WAPL: variants seen among roughly 807,000 people sequenced by gnomAD.
WAPL encodes the protein WAPL cohesin release factor.
A neutral mutation model predicts 121.0 loss-of-function variants in WAPL; 5 were observed. That is an observed-to-expected ratio of 0.04 (90% CI 0.02 to 0.09). WAPL has a LOEUF of 0.09. Among genes scored for constraint, WAPL ranks in the 10% least tolerant of loss-of-function variants. The pLI is 1.00. For synonymous variants in WAPL, 480 were observed against 481.5 expected (o/e 1.00, Z 0.04); for missense variants, 999 against 1,410.8 (o/e 0.71, Z 4.68).
intron 1 of WAPL, among the ~76,000 whole-genome samples, chr10:86,520,634 G>T (rs1335607836): frequency 1.3e-5 from 2 of 152,036 alleles, no homozygotes; most frequent in African/African-American, 2.4e-5. Flanking sequence ...ACACAATCTT[G>T]CTCAACCTTT....
At chr10:86,460,284 T>C (rs955702936) in intron 11 of WAPL, 115 bp downstream of exon 11, 1 of 774,114 alleles carries the variant, frequency 1.3e-6, no homozygotes, top group Non-Finnish European at 2.1e-6. Context: ...TATTTCTATC[T>C]GGATTAACAG....
At chr10:86,443,134 C>A in intron 17 of WAPL, 141 bp downstream of exon 17, 1 of 508,450 alleles carries the variant, frequency 2.0e-6, no homozygotes, top group Non-Finnish European at 3.3e-6. Flanking sequence ...ACCCTATAAT[C>A]AGCCAATAGC....
intron 2 of WAPL, among the ~76,000 whole-genome samples, chr10:86,515,052 G>A (rs1842528737): frequency 6.6e-6 from 1 of 152,126 alleles, no homozygotes; most frequent in Non-Finnish European, 1.5e-5. Flanking sequence ...ATGAGGTCAG[G>A]AGTTCTAGAC....
intron 2 of WAPL, among the ~76,000 whole-genome samples, chr10:86,511,174 C>T (rs1341514459): frequency 6.6e-6 from 1 of 152,178 alleles, no homozygotes; most frequent in East Asian, 1.9e-4. Context: ...GGTGGCATGC[C>T]TGTAATCCCA....
At chr10:86,462,851 CGT>C (rs1009794441) in intron 9 of WAPL, among the ~76,000 whole-genome samples, 4 of 151,774 alleles carry the variant, frequency 2.6e-5, no homozygotes, top group African/African-American at 9.7e-5. Context: ...TAGACTGGTT[CGT>C]GTGTGTTAAT....
chr10:86,485,060 C>T (rs1043025276), intron 4 of WAPL, among the ~76,000 whole-genome samples: 3 of 143,820 alleles, frequency 2.1e-5, no homozygotes, highest in South Asian at 2.3e-4. Flanking sequence ...TCCCCCGTCC[C>T]TCCCATCTCC....
At chr10:86,519,427 CTTGA>C (rs932006545) in intron 1 of WAPL, among the ~76,000 whole-genome samples, 8 of 152,230 alleles carry the variant, frequency 5.3e-5, no homozygotes, top group African/African-American at 1.7e-4. Flanking sequence ...CTTGTTTTCC[CTTGA>C]TTAACTTAAA....
rs1338375964 is a variant in WAPL at position 86,447,949 on chromosome 10, GAGGC to G, written c.3115-1504_3115-1501del. On this transcript the variant is annotated intron_variant, in intron 15 of 18. Transcript: ENST00000298767. ...TGTAATCCCAGCTACTTGGGAGGCTGAGGCAGGAGAATCACTGGAACCTGGGAGT... is the reference window on the plus strand; with the variant it reads ...TGTAATCCCAGCTACTTGGGAGGCTGAGGAGAATCACTGGAACCTGGGAGT... Among the ~76,000 whole-genome samples the G allele has an allele frequency of 2.6e-5, 4 of 152,234 alleles. No individual in the cohort carries two copies. The East Asian group carries it at 7.7e-4, about 29-fold the overall frequency.
chr10:86,504,152 C>T (rs1468714313), intron 2 of WAPL, among the ~76,000 whole-genome samples: 4 of 151,694 alleles, frequency 2.6e-5, no homozygotes. Flanking sequence ...CCAGCCTGGG[C>T]AACAGAGCAA....
Position 86,460,431 on chromosome 10 carries a change from C to G in WAPL, c.2548G>C (p.Gly850Arg). ...AAAACTCGTAAACATCTCTCTGCTC[C>G]CCATAGTGAGGCTACCAGTTTCTCT... The part of the protein sequence containing the change: ...DEEKLVASLW[G>R]AERCLRVLES... The change falls in exon 11 of 19, where the codon GGA (glycine) becomes CGA (arginine). Residue 850 changes from glycine to arginine, a missense_variant. Gly to Arg is a moderately radical substitution (Grantham distance 125). Transcript: ENST00000298767. 1 of 1,613,788 alleles carries G rather than the reference C, an allele frequency of 6.2e-7. No homozygotes were observed. The highest frequency in any genetic ancestry group is 8.5e-7 in the Non-Finnish European group (1 of 1,179,964).
Position 86,472,840 on chromosome 10 carries a change from T to A in WAPL, c.1741-76A>T. The A allele has an allele frequency of 7.1e-7, 1 of 1,404,158 alleles. No homozygotes were observed. Among genetic ancestry groups the A allele is most frequent in the Non-Finnish European group, 9.5e-7 (1 of 1,056,324 alleles). The allele number at this position is 1,404,158 out of a possible 1,614,324, so 87.0% of individuals were successfully genotyped here. On this transcript the variant is annotated intron_variant, in intron 5 of 18. Transcript: ENST00000298767. The surrounding 1 kb of genome is among the most constrained non-coding windows in gnomAD (Gnocchi z 4.2). ...GGAACGTCTCATCTATCTGGCAAAT[T>A]CAGCTTCAAAAAAAAGTAAATAAAG...
At chr10:86,518,704 G>C (rs989977937) in intron 1 of WAPL, among the ~76,000 whole-genome samples, 2 of 152,206 alleles carry the variant, frequency 1.3e-5, no homozygotes, top group Non-Finnish European at 2.9e-5. Context: ...CTTAAGCACA[G>C]AATGTTAGTT....
At chr10:86,483,357 T>C (rs112301079) in intron 4 of WAPL, among the ~76,000 whole-genome samples, 6 of 151,706 alleles carry the variant, frequency 4.0e-5, no homozygotes, top group Non-Finnish European at 7.4e-5. Context: ...GAGGCGGAGG[T>C]TGCGGTAAGC....
At position 86,437,517 on chromosome 10, in the gene WAPL, G is replaced by C; in HGVS notation, c.*26C>G. 6.2e-7 allele frequency: 1 copy of C among 1,609,902 alleles called. No individual in the cohort carries two copies. The highest frequency in any genetic ancestry group is 1.1e-5 in the South Asian group (1 of 90,482). On this transcript the variant is annotated 3_prime_UTR_variant, in exon 19 of 19. Transcript: ENST00000298767. Reference sequence around the variant, plus strand: ...GTCTAAGGATAGCTCCAGCATTACCGAGCACCTGAAGCAAAGGTAAAGCAG... The same window carrying C: ...GTCTAAGGATAGCTCCAGCATTACCCAGCACCTGAAGCAAAGGTAAAGCAG...
chr10:86,496,604 G>GT (rs1412750951), intron 4 of WAPL, among the ~76,000 whole-genome samples: 2 of 152,074 alleles, frequency 1.3e-5, no homozygotes, highest in African/African-American at 2.4e-5. Context: ...GGTGGTGTGT[G>GT]TATGTCTCAC....
Position 86,500,002 on chromosome 10 carries a change from C to A in WAPL, c.1241G>T (p.Arg414Leu). ...CTTTTTGGATTTAGTATTACTAGGT[C>A]GAAATCTAGTAGTAGTCTTAGAAGT... Reference protein sequence around the residue: ...IATSKTTTRFRPSNTKSKKDV... With the variant: ...IATSKTTTRFLPSNTKSKKDV... Residue 414 changes from arginine (R) to leucine (L), a missense_variant, in exon 3 of 19, where the codon CGA (arginine) becomes CTA (leucine). Physicochemically the swap from Arg to Leu is moderately radical, Grantham distance 102. This residue lies in a region of WAPL where 531 missense variants were observed against 563.1 expected (regional missense o/e 0.94). Transcript: ENST00000298767. 1 of 1,614,026 alleles carries A rather than the reference C, an allele frequency of 6.2e-7. No individual in the cohort carries two copies. The highest frequency in any genetic ancestry group is 8.5e-7 in the Non-Finnish European group (1 of 1,179,994).
At chr10:86,484,989 C>A (rs1841896836) in intron 4 of WAPL, among the ~76,000 whole-genome samples, 2 of 152,026 alleles carry the variant, frequency 1.3e-5, no homozygotes, top group Admixed American at 1.3e-4. Flanking sequence ...CTATAAACAC[C>A]CTAACACACA....
intron 2 of WAPL, among the ~76,000 whole-genome samples, chr10:86,506,788 T>C (rs1842359657): frequency 6.6e-6 from 1 of 151,422 alleles, no homozygotes; most frequent in South Asian, 2.1e-4. Context: ...AGACCTTGTT[T>C]CTAAAAAAAA....
At chr10:86,439,282 C>T (rs1849403727) in intron 17 of WAPL, among the ~76,000 whole-genome samples, 1 of 152,180 alleles carries the variant, frequency 6.6e-6, no homozygotes, top group African/African-American at 2.4e-5. Flanking sequence ...CTAAAGTACT[C>T]ATGTGCTGAA....
Sources: gnomAD v4.1 joint callset for allele counts (sites outside exome capture counted in the v4.1 genomes callset) on GRCh38, gnomAD v4.1.1 for gene constraint, gnomAD v4.1.1 regional missense constraint, Gnocchi (gnomAD v3.1) non-coding constraint, MANE v1.5 for transcripts, NCBI Gene and HGNC (gene_info 2026-07-23, HGNC 2026-07-21) for gene names.